Variants in PRKAA2 observed in about 807,000 individuals in gnomAD.
PRKAA2 encodes the protein protein kinase AMP-activated catalytic subunit alpha 2.
Under a neutral mutation model 56.3 loss-of-function variants are expected in PRKAA2, and 40 were observed. The observed-to-expected ratio is 0.71, with a 90% CI of 0.55 to 0.92. The LOEUF is 0.92. Ranked by LOEUF, PRKAA2 falls within the 40% of genes least tolerant of loss-of-function variation. PRKAA2 has a pLI of 0.00. For missense variants in PRKAA2, 542 were observed against 686.9 expected (o/e 0.79, Z 2.36); for synonymous variants, 214 against 234.2 (o/e 0.91, Z 0.79).
chr1:56,701,875 C>G (rs1644296501), intron 6 of PRKAA2, among the ~76,000 whole-genome samples: 1 of 151,552 alleles, frequency 6.6e-6, no homozygotes, highest in South Asian at 2.1e-4. Flanking sequence ...GCCTGGGTGA[C>G]TGAGCGAGAC....
Position 56,708,106 on chromosome 1 carries a change from A to G in PRKAA2, c.*393A>G, listed in dbSNP as rs935079006. 6.9e-5 allele frequency: 13 copies of G among 188,660 alleles called. No individual in the cohort carries two copies. In the South Asian group the frequency reaches 1.2e-3, roughly 17 times the overall value. The allele number at this position is 188,660 out of a possible 1,614,324, so 11.7% of individuals were successfully genotyped here. ...AAATCTAGTTTACTTCCTAAATTTC[A>G]GTAGGCTTTATGCTGTGTTTATGCC... On this transcript the variant is annotated 3_prime_UTR_variant, in exon 9 of 9. Transcript: ENST00000371244.
intron 1 of PRKAA2, among the ~76,000 whole-genome samples, chr1:56,665,408 A>C (rs780076798): frequency 7.9e-5 from 12 of 152,148 alleles, no homozygotes; most frequent in Admixed American, 3.9e-4. Flanking sequence ...ATGTACGAGT[A>C]CTTTTCTTTC....
chr1:56,712,632 A>G lies in PRKAA2; in HGVS notation c.*4919A>G, dbSNP rs970438263. The stretch of plus-strand genomic sequence containing the variant: ...TTTGGGAGGCCAAAGTGGGTGGATC[A>G]CCCGAGTTCAGGAGTTCGAGACCAG... On this transcript the variant is annotated 3_prime_UTR_variant, in exon 9 of 9. Transcript: ENST00000371244. 6 of 152,224 alleles carry G rather than the reference A, an allele frequency of 3.9e-5. No individual in the cohort carries two copies. The highest frequency in any genetic ancestry group is 9.6e-5 in the African/African-American group (4 of 41,534). 9.4% of individuals were successfully genotyped at this position (152,224 alleles called of 1,614,324 possible). A position where few individuals can be genotyped will look rare whatever the true frequency, so the allele number is the denominator to read the frequency against.
chr1:56,672,567 G>C (rs989240957), intron 1 of PRKAA2, among the ~76,000 whole-genome samples: 2 of 152,134 alleles, frequency 1.3e-5, no homozygotes, highest in African/African-American at 4.8e-5. Context: ...GTCTACCTTG[G>C]GCCTAGGTTT....
intron 2 of PRKAA2, among the ~76,000 whole-genome samples, chr1:56,675,953 A>G (rs1241350652): frequency 9.9e-6 from 1 of 101,294 alleles, no homozygotes; most frequent in Non-Finnish European, 1.9e-5. Flanking sequence ...TAAATATACT[A>G]TTAAAAAAGA....
At chr1:56,666,566 A>G (rs1159470094) in intron 1 of PRKAA2, among the ~76,000 whole-genome samples, 1 of 152,202 alleles carries the variant, frequency 6.6e-6, no homozygotes, top group Non-Finnish European at 1.5e-5. Flanking sequence ...AATGGCATTT[A>G]TGTATTCCAT....
intron 1 of PRKAA2, among the ~76,000 whole-genome samples, chr1:56,669,834 GATC>G (rs1039116833): frequency 1.3e-5 from 2 of 152,216 alleles, no homozygotes; most frequent in African/African-American, 4.8e-5. Context: ...AGGCTTCATG[GATC>G]AGACAAGTCT....
chr1:56,661,476 T>C (rs1040873513), intron 1 of PRKAA2, among the ~76,000 whole-genome samples: 17 of 152,192 alleles, frequency 1.1e-4, no homozygotes, highest in Non-Finnish European at 2.1e-4. Context: ...GGATTATGTT[T>C]ATGAGATCTA....
chr1:56,664,425 A>G (rs1305309641), intron 1 of PRKAA2, among the ~76,000 whole-genome samples: 1 of 151,984 alleles, frequency 6.6e-6, no homozygotes, highest in African/African-American at 2.4e-5. Context: ...ATGCATTTCC[A>G]TGAATTTTTT....
At chr1:56,698,079 C>CTTTTTTTTTTTTTT (rs530647275) in intron 6 of PRKAA2, among the ~76,000 whole-genome samples, 1 of 121,104 alleles carries the variant, frequency 8.3e-6, no homozygotes, top group Non-Finnish European at 1.7e-5. Flanking sequence ...TTTTTTAATT[C>CTTTTTTTTTTTTTT]TTTTTTTTTT....
At chr1:56,698,659 A>G (rs1644274658) in intron 6 of PRKAA2, among the ~76,000 whole-genome samples, 1 of 152,128 alleles carries the variant, frequency 6.6e-6, no homozygotes, top group Non-Finnish European at 1.5e-5. Context: ...TCAATCTATC[A>G]TATTTTATTT....
At chr1:56,694,528 A>G (rs1644246817) in intron 5 of PRKAA2, among the ~76,000 whole-genome samples, 1 of 152,222 alleles carries the variant, frequency 6.6e-6, no homozygotes, top group African/African-American at 2.4e-5. Flanking sequence ...TAGCTTATAA[A>G]CAACAGAAAT....
rs1424358624 is a variant in PRKAA2 at position 56,714,026 on chromosome 1, G to C, written c.*6313G>C. The C allele has an allele frequency of 6.6e-6, 1 of 151,884 alleles. No individual in the cohort carries two copies. Among genetic ancestry groups the C allele is most frequent in the Non-Finnish European group, 1.5e-5 (1 of 67,972 alleles). 9.4% of individuals were successfully genotyped at this position (151,884 alleles called of 1,614,324 possible). ...GCATCTGCCTGATTGAGTTCCCTTG[G>C]TCAAACCTCTCCCTATCACTATCAG... On this transcript the variant is annotated 3_prime_UTR_variant, in exon 9 of 9. Coordinates refer to ENST00000371244, the MANE Select transcript of PRKAA2 (RefSeq NM_006252.4).
chr1:56,713,491 A>T lies in PRKAA2; in HGVS notation c.*5778A>T, dbSNP rs141310053. On this transcript the variant is annotated 3_prime_UTR_variant, in exon 9 of 9. Coordinates refer to ENST00000371244, the MANE Select transcript of PRKAA2 (RefSeq NM_006252.4). Reference sequence around the variant, plus strand: ...GGTAGGTAAATTTCAATTACGTTTGAAGTGTAATTAAATCCTAGAATAGAG... The same window carrying T: ...GGTAGGTAAATTTCAATTACGTTTGTAGTGTAATTAAATCCTAGAATAGAG... 1 of 152,208 alleles carries T rather than the reference A, an allele frequency of 6.6e-6. No homozygotes were observed. Among genetic ancestry groups the T allele is most frequent in the African/African-American group, 2.4e-5 (1 of 41,530 alleles). 9.4% of individuals were successfully genotyped at this position (152,208 alleles called of 1,614,324 possible).
Position 56,711,149 on chromosome 1 carries a change from A to G in PRKAA2, c.*3436A>G, listed in dbSNP as rs982748877. On this transcript the variant is annotated 3_prime_UTR_variant, in exon 9 of 9. Transcript: ENST00000371244. ...AATAATTATATTTCTATGTCAGGGTATTGGCTATATGTAGCATGAACAATT... is the reference window on the plus strand; with the variant it reads ...AATAATTATATTTCTATGTCAGGGTGTTGGCTATATGTAGCATGAACAATT... The G allele has an allele frequency of 4.6e-5, 7 of 152,084 alleles. No homozygotes were observed. The highest frequency in any genetic ancestry group is 1.0e-4 in the Non-Finnish European group (7 of 67,972). 9.4% of individuals were successfully genotyped at this position (152,084 alleles called of 1,614,324 possible). A position where few individuals can be genotyped will look rare whatever the true frequency, so the allele number is the denominator to read the frequency against.
chr1:56,681,434 G>C (rs1375835784), intron 2 of PRKAA2, among the ~76,000 whole-genome samples: 1 of 152,132 alleles, frequency 6.6e-6, no homozygotes, highest in Non-Finnish European at 1.5e-5. Flanking sequence ...CCTTGCCCAT[G>C]CCTATGTCCT....
At chr1:56,700,522 G>A (rs967766893) in intron 6 of PRKAA2, among the ~76,000 whole-genome samples, 1 of 152,086 alleles carries the variant, frequency 6.6e-6, no homozygotes, top group Admixed American at 6.6e-5. Flanking sequence ...AGACCCCTCT[G>A]GAAATTGTGT....
At chr1:56,655,761 C>A (rs940744139) in intron 1 of PRKAA2, among the ~76,000 whole-genome samples, 3 of 152,106 alleles carry the variant, frequency 2.0e-5, no homozygotes, top group Admixed American at 2.0e-4. Context: ...TTGGAGTTCG[C>A]AGTTTATCAA....
At chr1:56,679,484 T>C (rs914400251) in intron 2 of PRKAA2, among the ~76,000 whole-genome samples, 11 of 152,208 alleles carry the variant, frequency 7.2e-5, no homozygotes, top group African/African-American at 2.2e-4. Context: ...ATACCATTCA[T>C]GCAGTTTCCC....
Sources: allele counts gnomAD v4.1 joint callset (sites outside exome capture counted in the v4.1 genomes callset), GRCh38; gene constraint gnomAD v4.1.1; transcripts MANE v1.5; gene names NCBI Gene and HGNC (gene_info 2026-07-23, HGNC 2026-07-21).